Variants in DYNC2H1 observed in about 807,000 individuals in gnomAD.
DYNC2H1 encodes the protein cytoplasmic dynein 2 heavy chain 1.
Under a neutral mutation model 570.0 loss-of-function variants are expected in DYNC2H1, and 410 were observed. That is an observed-to-expected ratio of 0.72 (90% CI 0.66 to 0.78). The LOEUF is 0.78. Among genes scored for constraint, DYNC2H1 ranks in the 30% least tolerant of loss-of-function variants. DYNC2H1 has a pLI of 0.00. For synonymous variants in DYNC2H1, 1,688 were observed against 1,677.6 expected, an observed-to-expected ratio of 1.01 and a Z score of -0.15; for missense variants, 4,865 against 5,046.4, an observed-to-expected ratio of 0.96 and a Z score of 1.09.
chr11:103,172,275 A>G (rs1198993284), intron 34 of DYNC2H1, among the ~76,000 whole-genome samples: 5 of 152,144 alleles, frequency 3.3e-5, no homozygotes, highest in African/African-American at 9.6e-5. Context: ...TTTTCTCCCA[A>G]CCAGTACTAA....
intron 20 of DYNC2H1, 97 bp from the exon 21 acceptor site, chr11:103,152,039 A>T: frequency 7.8e-7 from 1 of 1,277,020 alleles, no homozygotes; most frequent in Middle Eastern, 2.8e-4. Flanking sequence ...TAATTTAAAA[A>T]ATAAAGTTAT....
chr11:103,415,524 A>G (rs1048177021), intron 84 of DYNC2H1, among the ~76,000 whole-genome samples: 3 of 152,350 alleles, frequency 2.0e-5, no homozygotes, highest in Middle Eastern at 3.4e-3. Flanking sequence ...GAAGACATCT[A>G]TGCAGCCAAC....
chr11:103,291,493 A>G (rs1319430085), intron 75 of DYNC2H1, among the ~76,000 whole-genome samples: 2 of 152,172 alleles, frequency 1.3e-5, no homozygotes, highest in Non-Finnish European at 2.9e-5. Flanking sequence ...TTGGTAGTCT[A>G]ACTCCTTTAA....
chr11:103,187,516 A>G lies in DYNC2H1; in HGVS notation c.7070A>G (p.Tyr2357Cys). ...AAAGACTGTGAAAGACTTGTTCTGT[A>G]CTTAAAAGATATCAACCTACCTAAA... ...RPKDCERLVL[Y>C]LKDINLPKLD... is the part of the protein sequence containing the mutation. Residue 2357 changes from tyrosine to cysteine, a missense_variant, in exon 43 of 89, where the codon TAC becomes TGC. By Grantham distance (194) the Tyr-to-Cys change is radical. Transcript: ENST00000375735. The G allele has an allele frequency of 3.1e-6, 5 of 1,613,398 alleles. No homozygotes were observed. The highest frequency in any genetic ancestry group is 4.2e-6 in the Non-Finnish European group (5 of 1,179,502).
At position 103,121,463 on chromosome 11, in the gene DYNC2H1, C is replaced by T; in HGVS notation, c.1452C>T (p.Asn484=). 1 of 1,613,192 alleles carries T rather than the reference C, an allele frequency of 6.2e-7. No individual in the cohort carries two copies. The highest frequency in any genetic ancestry group is 1.7e-5 in the Admixed American group (1 of 59,976). ...GCAAAAATCTTTCAGAAGTTGTCAA[C>T]AGTATAGTTTGGGTTCGCCAGTTGG... is the stretch of plus-strand genomic sequence containing the variant. ...LSGKNLSEVV[N]SIVWVRQLEL... Residue 484 remains asparagine (N), a synonymous_variant, in exon 10 of 89, where the codon AAC becomes AAT. Coordinates refer to ENST00000375735, the MANE Select transcript of DYNC2H1 (RefSeq NM_001377.3).
At chr11:103,455,045 T>A (rs190912061) in intron 85 of DYNC2H1, 141 bp from the exon 86 acceptor site, 1 of 548,100 alleles carries the variant, frequency 1.8e-6, no homozygotes, top group Admixed American at 3.4e-5. Flanking sequence ...CAATGTAAAA[T>A]GGAAATGTTA....
rs7358375 is a variant in DYNC2H1, at chr11:103,135,816, G to A, written c.2442G>A (p.Lys814=). ...KRFIGIPNQF[K]GVGEAGDESI... ...TCATCGGCATTCCAAATCAGTTTAA[G>A]GGAGTGGGTGAGGCAGGAGATGAAT... The change falls in exon 17 of 89, where the codon AAG becomes AAA. Residue 814 remains lysine, a synonymous_variant. Transcript: ENST00000375735. The A allele has an allele frequency of 4.3e-6, 7 of 1,613,242 alleles. No homozygotes were observed. The Admixed American group carries it at 8.4e-5, about 19-fold the overall frequency.
intron 82 of DYNC2H1, among the ~76,000 whole-genome samples, chr11:103,332,269 A>G (rs946034727): frequency 1.3e-5 from 2 of 151,516 alleles, no homozygotes; most frequent in African/African-American, 4.9e-5. Flanking sequence ...AAGATAGAGC[A>G]ATAGAAGTTA....
intron 1 of DYNC2H1, among the ~76,000 whole-genome samples, chr11:103,111,828 ATAGT>A (rs1178913704): frequency 1.3e-4 from 20 of 152,150 alleles, no homozygotes; most frequent in African/African-American, 2.7e-4. Flanking sequence ...TAGTTGCCTG[ATAGT>A]TAGCGTGATT....
At chr11:103,343,143 C>T (rs116253479) in intron 82 of DYNC2H1, among the ~76,000 whole-genome samples, 7,946 of 152,150 alleles carry the variant, frequency 0.052, 258 homozygotes, top group Non-Finnish European at 0.076. Context: ...GCTGTTCTTC[C>T]GGGCTGAGCC....
chr11:103,206,944 C>G (rs1451554807), intron 52 of DYNC2H1, among the ~76,000 whole-genome samples: 2 of 151,796 alleles, frequency 1.3e-5, no homozygotes, highest in African/African-American at 4.8e-5. Context: ...TTTTCCAAGA[C>G]AGAGTCTTGC....
At chr11:103,346,192 G>A (rs2135497912) in intron 82 of DYNC2H1, among the ~76,000 whole-genome samples, 1 of 152,292 alleles carries the variant, frequency 6.6e-6, no homozygotes, top group Non-Finnish European at 1.5e-5. Flanking sequence ...GAACCCAGCA[G>A]CTGTGGTTAC....
chr11:103,193,707 C>G (rs940889152), intron 47 of DYNC2H1, among the ~76,000 whole-genome samples: 3 of 152,006 alleles, frequency 2.0e-5, no homozygotes, highest in Middle Eastern at 3.4e-3. Context: ...CCACGCCCGA[C>G]TAATTTTGTA....
chr11:103,380,562 A>AT (rs575131955), intron 83 of DYNC2H1, among the ~76,000 whole-genome samples: 2 of 151,442 alleles, frequency 1.3e-5, no homozygotes, highest in African/African-American at 2.4e-5. Context: ...GTGATGAGGA[A>AT]TTTTTTTTGT....
chr11:103,197,974 G>A lies in DYNC2H1; in HGVS notation c.7750G>A (p.Ala2584Thr), dbSNP rs1167083215. The change falls in exon 48 of 89, where the codon GCA becomes ACA. Residue 2584 changes from alanine (A) to threonine (T), a missense_variant. By Grantham distance (58) the Ala-to-Thr change is moderately conservative. This residue lies in a region of DYNC2H1 where 2,401 missense variants were observed against 2,454.6 expected (regional missense o/e 0.98). Transcript: ENST00000375735. ...ATGGGGAGCTCGGCATAATTCAGGA[G>A]CAAGGGCAGCCCCAGGACAACCATT... ...VTWGARHNSG[A>T]RAAPGQPLPP... 1 of 1,568,346 alleles carries A rather than the reference G, an allele frequency of 6.4e-7. No individual in the cohort carries two copies. Among genetic ancestry groups the A allele is most frequent in the Non-Finnish European group, 8.7e-7 (1 of 1,155,612 alleles).
rs1173503555 is a variant in DYNC2H1 at position 103,337,305 on chromosome 11, A to G, written c.12039+13315A>G. Reference sequence around the variant, plus strand: ...CTCTGTTCGAGGCTCTCAGCTCTGAAGGCTGTGAGACCCCCGATTTCCTAC... The same window carrying G: ...CTCTGTTCGAGGCTCTCAGCTCTGAGGGCTGTGAGACCCCCGATTTCCTAC... On this transcript the variant is annotated intron_variant, in intron 82 of 88. Transcript: ENST00000375735. 2.6e-5 allele frequency among the ~76,000 whole-genome samples: 4 copies of G among 152,246 alleles called. No individual in the cohort carries two copies. The East Asian group carries it at 7.7e-4, about 29-fold the overall frequency.
intron 84 of DYNC2H1, among the ~76,000 whole-genome samples, chr11:103,421,608 T>G (rs977337747): frequency 2.6e-5 from 4 of 152,060 alleles, no homozygotes; most frequent in Non-Finnish European, 5.9e-5. Flanking sequence ...TGAATGACTC[T>G]TGGGTAAATA....
At chr11:103,155,698 C>T (rs72989734) in intron 25 of DYNC2H1, among the ~76,000 whole-genome samples, 197 bp downstream of exon 25, 4,684 of 152,150 alleles carry the variant, frequency 0.031, 106 homozygotes, top group Non-Finnish European at 0.043. Context: ...CTAGAGGATA[C>T]ACAAATCCAG....
intron 87 of DYNC2H1, among the ~76,000 whole-genome samples, chr11:103,458,725 A>G (rs932909487): frequency 1.3e-5 from 2 of 152,186 alleles, no homozygotes; most frequent in Non-Finnish European, 2.9e-5. Flanking sequence ...ATTAACAAAA[A>G]TAATTTAAAA....
Sources: allele counts gnomAD v4.1 joint callset (sites outside exome capture counted in the v4.1 genomes callset), GRCh38; gene constraint gnomAD v4.1.1; regional missense constraint gnomAD v4.1.1; transcripts MANE v1.5; gene names NCBI Gene and HGNC (gene_info 2026-07-23, HGNC 2026-07-21).